LAMA4: variants seen among roughly 807,000 people sequenced by gnomAD.
LAMA4 encodes the protein laminin subunit alpha-4.
A neutral mutation model predicts 207.1 loss-of-function variants in LAMA4; 127 were observed. That is an observed-to-expected ratio of 0.61 (90% CI 0.53 to 0.71). The LOEUF (loss-of-function observed/expected upper bound fraction) is 0.71. Among genes scored for constraint, LAMA4 ranks in the 30% least tolerant of loss-of-function variants. The pLI is 0.00. For missense variants in LAMA4, 2,093 were observed against 2,246.5 expected (o/e 0.93, Z 1.38); for synonymous variants, 761 against 816.0 (o/e 0.93, Z 1.15).
chr6:112,160,966 C>T (rs1452620184), intron 13 of LAMA4, among the ~76,000 whole-genome samples: 8 of 152,238 alleles, frequency 5.3e-5, no homozygotes, highest in Non-Finnish European at 2.9e-5. Context: ...CCGCTCTTCT[C>T]TCACCAATTT....
intron 7 of LAMA4, 81 bp downstream of exon 7, chr6:112,189,029 T>C (rs1782856366): frequency 6.9e-6 from 7 of 1,011,724 alleles, no homozygotes; most frequent in Non-Finnish European, 1.1e-5. Context: ...TAGAGAGTGA[T>C]ATTGCATAGC....
chr6:112,129,564 CTG>C (rs1164200405), intron 30 of LAMA4, among the ~76,000 whole-genome samples: 2 of 152,098 alleles, frequency 1.3e-5, no homozygotes, highest in Non-Finnish European at 2.9e-5. Flanking sequence ...ATGCCAGACA[CTG>C]TACAAGTTGC....
At chr6:112,190,934 T>TCCTTCCTTC (rs1491506479) in intron 6 of LAMA4, among the ~76,000 whole-genome samples, 11 of 62,762 alleles carry the variant, frequency 1.8e-4, no homozygotes, top group Non-Finnish European at 2.9e-4. Flanking sequence ...TTTCTTTCTT[T>TCCTTCCTTC]CTTTCTTTCT....
intron 4 of LAMA4, among the ~76,000 whole-genome samples, chr6:112,203,317 T>C (rs1783868113): frequency 6.6e-6 from 1 of 152,190 alleles, no homozygotes; most frequent in African/African-American, 2.4e-5. Flanking sequence ...CCCTGAAGCA[T>C]TATTTCCTTG....
intron 2 of LAMA4, among the ~76,000 whole-genome samples, chr6:112,245,010 C>T (rs1554188390): frequency 6.6e-6 from 1 of 152,188 alleles, no homozygotes; most frequent in African/African-American, 2.4e-5. Flanking sequence ...AATTAAACCG[C>T]AGCCCATCTC....
chr6:112,119,883 T>C (rs1778248790), intron 33 of LAMA4, among the ~76,000 whole-genome samples: 2 of 152,214 alleles, frequency 1.3e-5, no homozygotes, highest in South Asian at 2.1e-4. Flanking sequence ...TTTCTTTCAA[T>C]ATTTATCTGC....
At chr6:112,173,055 T>C (rs1562692769) in intron 11 of LAMA4, among the ~76,000 whole-genome samples, 1 of 152,326 alleles carries the variant, frequency 6.6e-6, no homozygotes, top group East Asian at 1.9e-4. Flanking sequence ...GAGGTTGTGC[T>C]TTTTGTGAAA....
At position 112,254,124 on chromosome 6, in the gene LAMA4, C is replaced by T. The variant is rs139910579; in HGVS notation, c.27G>A (p.Ser9=). The change falls in exon 2 of 39, where the codon TCG becomes TCA. Residue 9 remains serine, a synonymous_variant. Transcript: ENST00000230538. MALSSAWR[S]VLPLWLLWSA... is the part of the protein sequence containing the mutation. ...TCCAGAGGAGCCACAGAGGCAGAACCGAGCGCCAGGCTGAGCTCAAAGCCA... is the reference window on the plus strand; with the variant it reads ...TCCAGAGGAGCCACAGAGGCAGAACTGAGCGCCAGGCTGAGCTCAAAGCCA... The T allele has an allele frequency of 9.3e-6, 15 of 1,612,948 alleles. No individual in the cohort carries two copies. In the African/African-American group the frequency reaches 1.5e-4, roughly 16 times the overall value.
rs1244047577 is a variant in LAMA4 at position 112,205,919 on chromosome 6, G to T, written c.422+1102C>A. The stretch of plus-strand genomic sequence containing the variant: ...TTGATAAAAACTCCTGAGCAACAAG[G>T]CTTGGGGGGCTTCCGGTTGGTGACA... On this transcript the variant is annotated intron_variant, in intron 4 of 38. Transcript: ENST00000230538. Among the ~76,000 whole-genome samples, 14 of 152,288 alleles carry T rather than the reference G, an allele frequency of 9.2e-5. No individual in the cohort carries two copies. In the East Asian group the frequency reaches 2.7e-3, roughly 29 times the overall value.
chr6:112,209,537 G>C (rs782589103), intron 3 of LAMA4, among the ~76,000 whole-genome samples: 8 of 152,150 alleles, frequency 5.3e-5, no homozygotes, highest in Non-Finnish European at 1.0e-4. Context: ...GCACATTCTG[G>C]GAGATTGGCA....
chr6:112,149,951 C>A (rs1554335380), intron 17 of LAMA4, among the ~76,000 whole-genome samples: 2 of 152,190 alleles, frequency 1.3e-5, no homozygotes, highest in Non-Finnish European at 2.9e-5. Flanking sequence ...ATCTAAGATA[C>A]CACTGCAGTC....
intron 24 of LAMA4, among the ~76,000 whole-genome samples, chr6:112,137,835 C>T (rs1779445241): frequency 6.6e-6 from 1 of 152,126 alleles, no homozygotes; most frequent in Non-Finnish European, 1.5e-5. Context: ...ATTTGTTGAA[C>T]TTTATTCGTG....
In LAMA4 at chr6:112,118,065, G is replaced by A. The variant is rs1778130039; in HGVS notation, c.4822-167C>T. On this transcript the variant is annotated intron_variant, in intron 34 of 38. Coordinates refer to ENST00000230538, the MANE Select transcript of LAMA4 (RefSeq NM_001105206.3). The surrounding 1 kb of genome is among the most constrained non-coding windows in gnomAD (Gnocchi z 4.6). ...TTCCTGGATAGTTGCTTTCTAACTG[G>A]TTGTTTGAAGCTGGAATTTTGTATT... 6.6e-6 allele frequency among the ~76,000 whole-genome samples: 1 copy of A among 152,164 alleles called. No homozygotes were observed. The highest frequency in any genetic ancestry group is 1.5e-5 in the Non-Finnish European group (1 of 68,024).
chr6:112,172,898 A>G (rs1781807880), intron 11 of LAMA4, 94 bp from the exon 12 acceptor site: 1 of 937,466 alleles, frequency 1.1e-6, no homozygotes, highest in African/African-American at 1.6e-5. Flanking sequence ...TTCTCAGGCC[A>G]TGCCTTCTTT....
rs782466408 is a variant in LAMA4 at position 112,253,759 on chromosome 6, A to T, written c.195+197T>A. On this transcript the variant is annotated intron_variant, in intron 2 of 38. Coordinates refer to ENST00000230538, the MANE Select transcript of LAMA4 (RefSeq NM_001105206.3). Reference sequence around the variant, plus strand: ...TGAGCAGACACATTCCGAAGCCTCAACTTTCAACTCTCAACATCCAAATGC... The same window carrying T: ...TGAGCAGACACATTCCGAAGCCTCATCTTTCAACTCTCAACATCCAAATGC... The T allele has an allele frequency of 3.1e-6, 5 of 1,613,956 alleles. No individual in the cohort carries two copies. In the South Asian group the frequency reaches 4.4e-5, roughly 14 times the overall value.
chr6:112,235,029 T>C (rs1412997909), intron 2 of LAMA4, among the ~76,000 whole-genome samples: 1 of 152,224 alleles, frequency 6.6e-6, no homozygotes, highest in Non-Finnish European at 1.5e-5. Flanking sequence ...ATACTGAGGA[T>C]CCTCCTGACA....
intron 38 of LAMA4, among the ~76,000 whole-genome samples, chr6:112,111,744 T>C (rs1554321650): frequency 6.6e-6 from 1 of 152,206 alleles, no homozygotes; most frequent in East Asian, 1.9e-4. Context: ...CTGTGCTGGC[T>C]CATTAACTAA....
At chr6:112,120,614 A>T in intron 32 of LAMA4, 142 bp from the exon 33 acceptor site, 1 of 680,040 alleles carries the variant, frequency 1.5e-6, no homozygotes, top group Non-Finnish European at 2.6e-6. Context: ...CACACTTAGT[A>T]TTATTAATGA....
chr6:112,216,459 G>C lies in LAMA4; in HGVS notation c.206C>G (p.Ala69Gly). Reference protein sequence around the residue: ...RLPPAAEKCNAGFFHTLSGEC... With the variant: ...RLPPAAEKCNGGFFHTLSGEC... The stretch of plus-strand genomic sequence containing the variant: ...TCCCGACAGGGTGTGAAAGAATCCA[G>C]CATTGCATTTCTGCAACAGACACAC... The change falls in exon 3 of 39, where the codon GCT (alanine) becomes GGT (glycine). Residue 69 changes from alanine to glycine, a missense_variant. By Grantham distance (60) the Ala-to-Gly change is moderately conservative. Transcript: ENST00000230538. 6.2e-7 allele frequency: 1 copy of C among 1,612,270 alleles called. No homozygotes were observed. Among genetic ancestry groups the C allele is most frequent in the Non-Finnish European group, 8.5e-7 (1 of 1,178,288 alleles).
Sources: gnomAD v4.1 joint callset for allele counts (sites outside exome capture counted in the v4.1 genomes callset) on GRCh38, gnomAD v4.1.1 for gene constraint, Gnocchi (gnomAD v3.1) non-coding constraint, MANE v1.5 for transcripts, NCBI Gene and HGNC (gene_info 2026-07-23, HGNC 2026-07-21) for gene names.